Variants in CABIN1 observed in about 807,000 individuals in gnomAD.
The protein encoded by CABIN1 is calcineurin-binding protein cabin-1.
CABIN1 carries 133 observed loss-of-function variants against 227.7 expected under a neutral mutation model. That is an observed-to-expected ratio of 0.58 (90% CI 0.51 to 0.67). The LOEUF is 0.67. Ranked by LOEUF, CABIN1 falls within the 30% of genes least tolerant of loss-of-function variation. The pLI, the probability that CABIN1 is intolerant of heterozygous loss-of-function variation, is 0.00. For missense variants in CABIN1, 2,408 were observed against 2,852.5 expected (o/e 0.84, Z 3.55); for synonymous variants, 1,086 against 1,155.1 (o/e 0.94, Z 1.21).
At chr22:24,098,317 C>T in intron 26 of CABIN1, 125 bp downstream of exon 26, 1 of 1,561,052 alleles carries the variant, frequency 6.4e-7, no homozygotes, top group Non-Finnish European at 8.7e-7. Flanking sequence ...GTGACACGGG[C>T]AATGTTGCGG....
chr22:24,012,293 ATTG>A (rs917245376), intron 1 of CABIN1, among the ~76,000 whole-genome samples: 1 of 152,186 alleles, frequency 6.6e-6, no homozygotes, highest in Non-Finnish European at 1.5e-5. Flanking sequence ...AATTTTATAT[ATTG>A]TTAATATAAT....
At chr22:24,057,020 T>A (rs1310448607) in intron 10 of CABIN1, among the ~76,000 whole-genome samples, 4 of 151,946 alleles carry the variant, frequency 2.6e-5, no homozygotes, top group Non-Finnish European at 5.9e-5. Context: ...TACTGCAAGC[T>A]CCACCTCCCG....
chr22:24,127,993 T>C (rs564967731), intron 28 of CABIN1, among the ~76,000 whole-genome samples: 6 of 152,164 alleles, frequency 3.9e-5, no homozygotes, highest in Non-Finnish European at 8.8e-5. Flanking sequence ...CCCTGGTCTC[T>C]ACCCACTAGA....
At chr22:24,090,517 A>ATTTTTTTTTTTTTTTT (rs11356877) in intron 23 of CABIN1, among the ~76,000 whole-genome samples, 1 of 122,408 alleles carries the variant, frequency 8.2e-6, no homozygotes, top group African/African-American at 3.1e-5. Flanking sequence ...CTGTGTGGTC[A>ATTTTTTTTTTTTTTTT]TTTTTTTTTT....
chr22:24,027,629 G>A (rs779273272), intron 1 of CABIN1, among the ~76,000 whole-genome samples: 4 of 152,224 alleles, frequency 2.6e-5, no homozygotes, highest in Non-Finnish European at 5.9e-5. Flanking sequence ...TTTATGAGTG[G>A]ATTAATGTTG....
chr22:24,164,224 A>G (rs2046317512), intron 29 of CABIN1, among the ~76,000 whole-genome samples, 176 bp from the exon 30 acceptor site: 1 of 152,176 alleles, frequency 6.6e-6, no homozygotes, highest in Admixed American at 6.5e-5. Context: ...CATGAGAAGG[A>G]AGGGGGTGGG....
chr22:24,019,547 G>GCC (rs1189610919), intron 1 of CABIN1, among the ~76,000 whole-genome samples: 2 of 151,722 alleles, frequency 1.3e-5, no homozygotes, highest in Non-Finnish European at 2.9e-5. Context: ...GAGCCACCAT[G>GCC]CCCCGCCTGC....
At position 24,050,972 on chromosome 22, in the gene CABIN1, C is replaced by G. The variant is rs769616130; in HGVS notation, c.804C>G (p.Phe268Leu). 1 of 1,614,174 alleles carries G rather than the reference C, an allele frequency of 6.2e-7. No homozygotes were observed. Among genetic ancestry groups the G allele is most frequent in the East Asian group, 2.2e-5 (1 of 44,888 alleles). ...AACTTGTGCAGCCCATTCCTTTCTT[C>G]ACGTAGGTTGTCTAGCGTCTCTGGG... is the stretch of plus-strand genomic sequence containing the variant. Reference protein sequence around the residue: ...DLKLVQPIPFFTWKCLGESLL... With the variant: ...DLKLVQPIPFLTWKCLGESLL... The change falls in exon 8 of 37, where the codon TTC becomes TTG. Residue 268 changes from phenylalanine to leucine, a missense_variant and splice_region_variant. Coordinates refer to ENST00000263119, the MANE Select transcript of CABIN1 (RefSeq NM_012295.4).
At chr22:24,139,530 C>T (rs987780796) in intron 29 of CABIN1, among the ~76,000 whole-genome samples, 17 of 151,132 alleles carry the variant, frequency 1.1e-4, no homozygotes, top group Middle Eastern at 3.4e-3. Flanking sequence ...TGCACCACTG[C>T]GCTCCAGCCT....
intron 29 of CABIN1, chr22:24,160,409 G>A (rs1280320481): frequency 6.6e-6 from 1 of 152,202 alleles, no homozygotes; most frequent in Non-Finnish European, 1.5e-5. Context: ...ACTGAAAGGT[G>A]GGGTCCGCCA....
intron 7 of CABIN1, 127 bp from the exon 8 acceptor site, chr22:24,050,698 T>C (rs2038257379): frequency 8.7e-7 from 1 of 1,154,218 alleles, no homozygotes; most frequent in Non-Finnish European, 1.3e-6. Flanking sequence ...CTGAAGTGGT[T>C]ATTTTATTTA....
intron 6 of CABIN1, among the ~76,000 whole-genome samples, chr22:24,044,204 C>T (rs1029136745): frequency 3.9e-5 from 6 of 152,196 alleles, no homozygotes; most frequent in African/African-American, 1.4e-4. Context: ...AAGGAACTAG[C>T]CCTAGCCTCT....
At chr22:24,122,795 T>C (rs1177772929) in intron 28 of CABIN1, among the ~76,000 whole-genome samples, 1 of 152,194 alleles carries the variant, frequency 6.6e-6, no homozygotes, top group African/African-American at 2.4e-5. Context: ...ATTTGGATTT[T>C]AGATATTCAG....
At chr22:24,064,318 G>C in intron 15 of CABIN1, 131 bp downstream of exon 15, 1 of 995,894 alleles carries the variant, frequency 1.0e-6, no homozygotes, top group Non-Finnish European at 1.5e-6. Flanking sequence ...GGATTCTCCT[G>C]CCTCAGCCTC....
chr22:24,119,909 G>A (rs1456334526), intron 28 of CABIN1, among the ~76,000 whole-genome samples: 1 of 152,236 alleles, frequency 6.6e-6, no homozygotes, highest in Non-Finnish European at 1.5e-5. Flanking sequence ...TCACAGCCAG[G>A]AATGGAGGGA....
At chr22:24,112,411 T>C (rs2042860089) in intron 26 of CABIN1, among the ~76,000 whole-genome samples, 2 of 152,210 alleles carry the variant, frequency 1.3e-5, no homozygotes, top group African/African-American at 4.8e-5. Flanking sequence ...ATTCCTTTCA[T>C]GTTACCTTGT....
chr22:24,052,719 A>G (rs1339356864), intron 8 of CABIN1, among the ~76,000 whole-genome samples: 1 of 151,460 alleles, frequency 6.6e-6, no homozygotes, highest in Non-Finnish European at 1.5e-5. Flanking sequence ...GAGCCGGGGA[A>G]GTCAAGGCTA....
intron 31 of CABIN1, among the ~76,000 whole-genome samples, chr22:24,166,106 T>C (rs537472502): frequency 6.4e-4 from 98 of 152,306 alleles, no homozygotes; most frequent in African/African-American, 2.2e-3. Flanking sequence ...CCTCCAAAGC[T>C]TATGCCTGGT....
At chr22:24,012,810 G>C (rs1273528620) in intron 1 of CABIN1, among the ~76,000 whole-genome samples, 1 of 152,182 alleles carries the variant, frequency 6.6e-6, no homozygotes, top group Non-Finnish European at 1.5e-5. Context: ...GCCCAGGCTG[G>C]AGTGCAGTGG....
Sources: gnomAD v4.1 joint callset for allele counts (sites outside exome capture counted in the v4.1 genomes callset) on GRCh38, gnomAD v4.1.1 for gene constraint, MANE v1.5 for transcripts, NCBI Gene and HGNC (gene_info 2026-07-23, HGNC 2026-07-21) for gene names.